GLOD4: variants seen among roughly 807,000 people sequenced by gnomAD.
The protein encoded by GLOD4 is glyoxalase domain-containing protein 4.
In GLOD4, 44 loss-of-function variants were observed where a neutral mutation model predicts 39.1. That is an observed-to-expected ratio of 1.13 (90% CI 0.88 to 1.45). The LOEUF (loss-of-function observed/expected upper bound fraction) is 1.45. Ranked by LOEUF, GLOD4 falls within the 40% of genes most tolerant of loss-of-function variation. The pLI, the probability that GLOD4 is intolerant of heterozygous loss-of-function variation, is 0.00. For synonymous variants in GLOD4, 145 were observed against 135.0 expected, an observed-to-expected ratio of 1.07 and a Z score of -0.52; for missense variants, 405 against 366.4, an observed-to-expected ratio of 1.11 and a Z score of -0.86.
In GLOD4 at chr17:775,923, C is replaced by A; in HGVS notation, c.262-4G>T. On this transcript the variant is annotated splice_region_variant and splice_polypyrimidine_tract_variant and intron_variant, in intron 3 of 8. Transcript: ENST00000301329. Reference sequence around the variant, plus strand: ...GGCTAGAAGCGAGCGTGATTCCCTACAACAAACAACAGTACATCCAAGTAC... The same window carrying A: ...GGCTAGAAGCGAGCGTGATTCCCTAAAACAAACAACAGTACATCCAAGTAC... The A allele has an allele frequency of 1.2e-6, 2 of 1,611,460 alleles. No individual in the cohort carries two copies. Among genetic ancestry groups the A allele is most frequent in the African/African-American group, 1.3e-5 (1 of 74,996 alleles).
chr17:782,698 GT>G (rs1443748819), upstream of GLOD4: 2 of 1,593,808 alleles, frequency 1.3e-6, no homozygotes, highest in Admixed American at 1.7e-5. Context: ...CTGAGGTGAT[GT>G]GGTTCTTGAG....
intron 8 of GLOD4, among the ~76,000 whole-genome samples, chr17:769,609 G>T (rs1700957589): frequency 6.6e-6 from 1 of 152,154 alleles, no homozygotes; most frequent in Non-Finnish European, 1.5e-5. Flanking sequence ...TCTCCATGTG[G>T]AGAGCAGAAT....
rs190028481 is a variant in GLOD4, at chr17:771,326, T to G, written c.542A>C (p.Gln181Pro). Residue 181 changes from glutamine (Q) to proline (P), a missense_variant and splice_region_variant, in exon 5 of 9, where the codon CAG (glutamine) becomes CCG (proline). Physicochemically the swap from Gln to Pro is moderately conservative, Grantham distance 76 (BLOSUM62 -1). Coordinates refer to ENST00000301329, the MANE Select transcript of GLOD4 (RefSeq NM_016080.4). The stretch of plus-strand genomic sequence containing the variant: ...TTATTCTTCTCCAAGATTGCTCACC[T>G]GGTTATCAGCATAGCCCAGCAAAGC... ...QRALLGYADNQCKLELQGVKG... is the reference protein window; with the variant it reads ...QRALLGYADNPCKLELQGVKG... 16 of 1,581,010 alleles carry G rather than the reference T, an allele frequency of 1.0e-5. No individual in the cohort carries two copies. The highest frequency in any genetic ancestry group is 1.4e-5 in the Non-Finnish European group (16 of 1,166,428).
At position 759,481 on chromosome 17, in the gene GLOD4, A is replaced by C. The variant is rs1378057978; in HGVS notation, c.*692T>G. ...CTGAAGAAATCGTTTAATCCATTTT[A>C]AAGAAATCTCACATGATGTTCTGTC... is the stretch of plus-strand genomic sequence containing the variant. On this transcript the variant is annotated 3_prime_UTR_variant, in exon 9 of 9. Coordinates refer to ENST00000301329, the MANE Select transcript of GLOD4 (RefSeq NM_016080.4). 1 of 152,208 alleles carries C rather than the reference A, an allele frequency of 6.6e-6. No homozygotes were observed. The highest frequency in any genetic ancestry group is 2.4e-5 in the African/African-American group (1 of 41,458). 9.4% of individuals were successfully genotyped at this position (152,208 alleles called of 1,614,324 possible). A position where few individuals can be genotyped will look rare whatever the true frequency, so the allele number is the denominator to read the frequency against.
At chr17:783,973 C>G (rs1910405132), upstream of GLOD4, among the ~76,000 whole-genome samples, 1 of 152,168 alleles carries the variant, frequency 6.6e-6, no homozygotes, top group South Asian at 2.1e-4. Flanking sequence ...GTGGTGATAA[C>G]TGTCAATAAA....
At chr17:771,217 G>T in intron 5 of GLOD4, 108 bp downstream of exon 5, 3 of 660,296 alleles carry the variant, frequency 4.5e-6, no homozygotes, top group Non-Finnish European at 7.8e-6. Context: ...AGAAACTATG[G>T]GAACAACCTT....
Position 769,764 on chromosome 17 carries a change from T to A in GLOD4, c.831+105A>T. 3.9e-6 allele frequency: 3 copies of A among 771,270 alleles called. No homozygotes were observed. The South Asian group carries it at 4.3e-5, about 11-fold the overall frequency. The allele number at this position is 771,270 out of a possible 1,614,324, so 47.8% of individuals were successfully genotyped here. A position where few individuals can be genotyped will look rare whatever the true frequency, so the allele number is the denominator to read the frequency against. The stretch of plus-strand genomic sequence containing the variant: ...TCAACCCAACAGCGAAAGGACGTGG[T>A]TCTGACATTAAGAACCTGGACCCTG... On this transcript the variant is annotated intron_variant, in intron 8 of 8. Transcript: ENST00000301329.
At position 760,148 on chromosome 17, in the gene GLOD4, G is replaced by C; in HGVS notation, c.*25C>G. 1 of 1,424,236 alleles carries C rather than the reference G, an allele frequency of 7.0e-7. No individual in the cohort carries two copies. The highest frequency in any genetic ancestry group is 9.9e-7 in the Non-Finnish European group (1 of 1,006,888). The allele number at this position is 1,424,236 out of a possible 1,614,324, so 88.2% of individuals were successfully genotyped here. A position where few individuals can be genotyped will look rare whatever the true frequency, so the allele number is the denominator to read the frequency against. On this transcript the variant is annotated 3_prime_UTR_variant, in exon 9 of 9. Coordinates refer to ENST00000301329, the MANE Select transcript of GLOD4 (RefSeq NM_016080.4). Reference sequence around the variant, plus strand: ...ACAGGTGCTGGGCAGGAATCACAGAGGCTTGCTCTGCATCATGTCTTCCGT... The same window carrying C: ...ACAGGTGCTGGGCAGGAATCACAGACGCTTGCTCTGCATCATGTCTTCCGT...
intron 2 of GLOD4, chr17:777,408 G>A (rs966110299): frequency 5.5e-5 from 9 of 164,062 alleles, no homozygotes; most frequent in Admixed American, 1.2e-4. Flanking sequence ...TTGGGAGGCC[G>A]AGGCGGGAGG....
Position 775,866 on chromosome 17 carries a change from C to G in GLOD4, c.315G>C (p.Trp105Cys), listed in dbSNP as rs1292068011. The change falls in exon 4 of 9, where the codon TGG (tryptophan) becomes TGC (cysteine). Residue 105 changes from tryptophan (W) to cysteine (C), a missense_variant. Physicochemically the swap from Trp to Cys is radical, Grantham distance 215. Transcript: ENST00000301329. ...CACCTTCTGCAACTTCCGTCAGTGGCCACTCCAGCTTCCTGGCGTTGCTGA... is the reference window on the plus strand; with the variant it reads ...CACCTTCTGCAACTTCCGTCAGTGGGCACTCCAGCTTCCTGGCGTTGCTGA... The part of the protein sequence containing the change: ...QAVSNARKLE[W>C]PLTEVAEGVF... 1 of 1,613,012 alleles carries G rather than the reference C, an allele frequency of 6.2e-7. No homozygotes were observed.
intron 8 of GLOD4, chr17:763,953 G>T (rs979645730): frequency 1.3e-5 from 2 of 152,150 alleles, no homozygotes; most frequent in African/African-American, 2.4e-5. Flanking sequence ...AGTGACGAAG[G>T]AATGATGAAA....
intron 1 of GLOD4, among the ~76,000 whole-genome samples, chr17:781,426 A>C (rs1909925971): frequency 6.6e-6 from 1 of 152,176 alleles, no homozygotes; most frequent in Non-Finnish European, 1.5e-5. Flanking sequence ...GGTCATTTGC[A>C]CCTTTGTTGC....
chr17:765,860 G>C (rs1302298368), intron 8 of GLOD4, among the ~76,000 whole-genome samples: 1 of 151,878 alleles, frequency 6.6e-6, no homozygotes, highest in Non-Finnish European at 1.5e-5. Flanking sequence ...GGAGGCTGAG[G>C]CAAGAGAACT....
chr17:780,720 C>G lies in GLOD4; in HGVS notation c.90+1446G>C, dbSNP rs1168850842. ...ATCGCGCCACTGCACTCCAGCCTGG[C>G]GACAGAGCAAGACTCCACCTCAAAA... On this transcript the variant is annotated intron_variant, in intron 1 of 8. Transcript: ENST00000301329. 6 of 127,896 alleles carry G rather than the reference C, an allele frequency of 4.7e-5. 1 individual carries two copies. The highest frequency in any genetic ancestry group is 1.8e-4 in the African/African-American group (6 of 33,002). 7.9% of individuals were successfully genotyped at this position (127,896 alleles called of 1,614,324 possible). A position where few individuals can be genotyped will look rare whatever the true frequency, so the allele number is the denominator to read the frequency against.
intron 3 of GLOD4, among the ~76,000 whole-genome samples, chr17:776,357 C>A (rs1173648504): frequency 1.3e-5 from 2 of 152,204 alleles, no homozygotes; most frequent in African/African-American, 4.8e-5. Flanking sequence ...TTTGAGAAGA[C>A]CAGCCTTGTT....
intron 8 of GLOD4, among the ~76,000 whole-genome samples, chr17:768,833 TGAGA>T (rs201040222): frequency 7.2e-6 from 1 of 138,078 alleles, no homozygotes; most frequent in Non-Finnish European, 1.5e-5. Context: ...GGAGAGGACG[TGAGA>T]GAGAGAAACA....
intron 2 of GLOD4, chr17:777,267 A>T (rs1321457756): frequency 2.2e-6 from 1 of 450,750 alleles, no homozygotes; most frequent in African/African-American, 2.0e-5. Flanking sequence ...TCTCCAACTG[A>T]CCTGTTATTT....
At chr17:761,245 AAAG>A (rs1905373148) in intron 8 of GLOD4, among the ~76,000 whole-genome samples, 2 of 152,240 alleles carry the variant, frequency 1.3e-5, no homozygotes, top group African/African-American at 4.8e-5. Flanking sequence ...GGCAATTGAA[AAAG>A]AAGAAACAAA....
At chr17:779,319 TAAAAAAAAAA>T (rs34487169) in intron 1 of GLOD4, among the ~76,000 whole-genome samples, 4 of 43,372 alleles carry the variant, frequency 9.2e-5, no homozygotes, top group African/African-American at 2.0e-4. Context: ...CATCTCAAAT[TAAAAAAAAAA>T]AAAAAAAAAA....
Sources: gnomAD v4.1 joint callset for allele counts (sites outside exome capture counted in the v4.1 genomes callset) on GRCh38, gnomAD v4.1.1 for gene constraint, MANE v1.5 for transcripts, NCBI Gene and HGNC (gene_info 2026-07-23, HGNC 2026-07-21) for gene names.